CSMD3: variants seen among roughly 807,000 people sequenced by gnomAD.
The protein encoded by CSMD3 is CUB and sushi domain-containing protein 3.
Under a neutral mutation model 435.2 loss-of-function variants are expected in CSMD3, and 177 were observed. The observed-to-expected ratio is 0.41, with a 90% CI of 0.36 to 0.46. The LOEUF is 0.46. Among genes scored for constraint, CSMD3 ranks in the 20% least tolerant of loss-of-function variants. CSMD3 has a pLI of 0.34. For missense variants in CSMD3, 4,265 were observed against 4,504.6 expected (o/e 0.95, Z 1.52); for synonymous variants, 1,656 against 1,520.5 (o/e 1.09, Z -2.07).
intron 1 of CSMD3, among the ~76,000 whole-genome samples, chr8:113,316,218 A>G (rs927855862): frequency 1.3e-5 from 2 of 152,152 alleles, no homozygotes; most frequent in African/African-American, 4.8e-5. Flanking sequence ...TGAGTCCTAC[A>G]GGAAGCTGAA....
At chr8:112,569,366 C>T (rs900916665) in intron 24 of CSMD3, among the ~76,000 whole-genome samples, 1 of 152,018 alleles carries the variant, frequency 6.6e-6, no homozygotes, top group African/African-American at 2.4e-5. Context: ...CTTATATGAA[C>T]AAAATAAACC....
intron 31 of CSMD3, among the ~76,000 whole-genome samples, chr8:112,473,930 C>A (rs910470433): frequency 6.6e-6 from 1 of 151,934 alleles, no homozygotes; most frequent in Non-Finnish European, 1.5e-5. Context: ...AGGGCTGAGC[C>A]TGTTGCCGAC....
intron 13 of CSMD3, among the ~76,000 whole-genome samples, chr8:112,717,739 G>C (rs892088183): frequency 2.6e-5 from 4 of 151,990 alleles, no homozygotes; most frequent in African/African-American, 9.7e-5. Flanking sequence ...GCTATAAAAA[G>C]GAATGAGATC....
chr8:112,517,362 A>G (rs1398979138), intron 27 of CSMD3, 137 bp from the exon 28 acceptor site: 1 of 623,948 alleles, frequency 1.6e-6, no homozygotes, highest in African/African-American at 1.8e-5. Context: ...CTTTCTCCAT[A>G]TTTTAAATAA....
intron 38 of CSMD3, among the ~76,000 whole-genome samples, chr8:112,366,519 T>C (rs533157498): frequency 1.3e-5 from 2 of 152,330 alleles, no homozygotes; most frequent in South Asian, 4.1e-4. Flanking sequence ...TGCCTCAGCC[T>C]CCTGAGTAGT....
At chr8:112,410,894 A>G (rs1811258314) in intron 32 of CSMD3, among the ~76,000 whole-genome samples, 1 of 150,440 alleles carries the variant, frequency 6.6e-6, no homozygotes, top group South Asian at 2.1e-4. Flanking sequence ...GAATTTTGTT[A>G]CATCAAGCAC....
At chr8:112,925,599 C>T (rs899667629) in intron 9 of CSMD3, among the ~76,000 whole-genome samples, 3 of 151,998 alleles carry the variant, frequency 2.0e-5, no homozygotes, top group African/African-American at 7.2e-5. Flanking sequence ...ATTGCTTTCC[C>T]ATACCTCAGT....
intron 13 of CSMD3, among the ~76,000 whole-genome samples, chr8:112,761,046 T>C (rs2077826013): frequency 6.6e-6 from 1 of 152,158 alleles, no homozygotes; most frequent in African/African-American, 2.4e-5. Flanking sequence ...GATTAAGAGT[T>C]CACTTATATC....
At chr8:112,670,737 G>T (rs1347335208) in intron 16 of CSMD3, among the ~76,000 whole-genome samples, 2 of 152,094 alleles carry the variant, frequency 1.3e-5, no homozygotes, top group East Asian at 1.9e-4. Context: ...GGAGTTTCAT[G>T]TGGAAAGTTA....
At chr8:112,762,461 T>C (rs1160532062) in intron 13 of CSMD3, among the ~76,000 whole-genome samples, 1 of 151,944 alleles carries the variant, frequency 6.6e-6, no homozygotes, top group African/African-American at 2.4e-5. Flanking sequence ...GCAACAGATA[T>C]TTAGTAGACC....
intron 1 of CSMD3, among the ~76,000 whole-genome samples, chr8:113,413,567 C>T (rs931002574): frequency 1.3e-5 from 2 of 152,072 alleles, no homozygotes; most frequent in Admixed American, 6.6e-5. Flanking sequence ...CCCACCCTCA[C>T]AGAACTCAGG....
chr8:112,495,056 T>C (rs1821199503), intron 30 of CSMD3, among the ~76,000 whole-genome samples: 1 of 152,168 alleles, frequency 6.6e-6, no homozygotes, highest in African/African-American at 2.4e-5. Flanking sequence ...CACAACTCTT[T>C]TTATGAAAGA....
At chr8:112,951,890 A>G (rs2083827821) in intron 8 of CSMD3, among the ~76,000 whole-genome samples, 1 of 151,530 alleles carries the variant, frequency 6.6e-6, no homozygotes, top group Non-Finnish European at 1.5e-5. Context: ...ATGAATGAAT[A>G]AAAGTATGGA....
intron 5 of CSMD3, among the ~76,000 whole-genome samples, chr8:113,084,691 C>T (rs1300191692): frequency 6.8e-6 from 1 of 147,150 alleles, no homozygotes; most frequent in Non-Finnish European, 1.5e-5. Context: ...CCATGGACAT[C>T]ACACTACCTG....
chr8:112,390,725 G>A lies in CSMD3; in HGVS notation c.5873C>T (p.Pro1958Leu), dbSNP rs1452247908. 6.2e-7 allele frequency: 1 copy of A among 1,612,600 alleles called. No homozygotes were observed. The highest frequency in any genetic ancestry group is 2.2e-5 in the East Asian group (1 of 44,858). The change falls in exon 36 of 71, where the codon CCT (proline) becomes CTT (leucine). Residue 1958 changes from proline (P) to leucine (L), a missense_variant. Coordinates refer to ENST00000297405, the MANE Select transcript of CSMD3 (RefSeq NM_198123.2). The stretch of plus-strand genomic sequence containing the variant: ...CACACAATTCAGATTGTTGTCATAA[G>A]GCTCAGGGTATCCAGGTGACAAAAT... Reference protein sequence around the residue: ...GTILSPGYPEPYDNNLNCVWK... With the variant: ...GTILSPGYPELYDNNLNCVWK...
intron 1 of CSMD3, among the ~76,000 whole-genome samples, chr8:113,342,550 AC>A (rs2094126971): frequency 6.6e-6 from 1 of 152,180 alleles, no homozygotes. Flanking sequence ...AATCTGAGAC[AC>A]TAGGAACCTT....
At chr8:113,217,755 TAAG>T (rs1052804701) in intron 3 of CSMD3, among the ~76,000 whole-genome samples, 3 of 151,338 alleles carry the variant, frequency 2.0e-5, no homozygotes, top group East Asian at 1.9e-4. Context: ...AACTGGAGTC[TAAG>T]AAGAAGAGAA....
At chr8:112,324,574 TGTGTGTGG>T (rs1346858164) in intron 45 of CSMD3, among the ~76,000 whole-genome samples, 2 of 150,860 alleles carry the variant, frequency 1.3e-5, no homozygotes, top group East Asian at 1.9e-4. Context: ...GCAAGGGGTG[TGTGTGTGG>T]GTGTGTGTGT....
chr8:112,252,279 C>T (rs1282925682), intron 63 of CSMD3, among the ~76,000 whole-genome samples: 2 of 151,924 alleles, frequency 1.3e-5, no homozygotes, highest in Non-Finnish European at 2.9e-5. Flanking sequence ...TTGAGATGAT[C>T]ACTTTCTGTA....
Sources: allele counts gnomAD v4.1 joint callset (sites outside exome capture counted in the v4.1 genomes callset), GRCh38; gene constraint gnomAD v4.1.1; transcripts MANE v1.5; gene names NCBI Gene and HGNC (gene_info 2026-07-23, HGNC 2026-07-21).